Variants in PKD1L3 observed in about 807,000 individuals in gnomAD.
PKD1L3 encodes the protein polycystin-1-like protein 3.
A neutral mutation model predicts 184.1 loss-of-function variants in PKD1L3; 239 were observed. The observed-to-expected ratio is 1.30, with a 90% CI of 1.17 to 1.45. The LOEUF (loss-of-function observed/expected upper bound fraction) is 1.45, where lower values mean the gene tolerates loss of function less well. Ranked by LOEUF, PKD1L3 falls within the 40% of genes most tolerant of loss-of-function variation. The pLI, the probability that PKD1L3 is intolerant of heterozygous loss-of-function variation, is 0.00. For synonymous variants in PKD1L3, 996 were observed against 778.8 expected, an observed-to-expected ratio of 1.28 and a Z score of -4.64; for missense variants, 2,660 against 2,067.2, an observed-to-expected ratio of 1.29 and a Z score of -5.56.
chr16:71,934,234 A>G, intron 26 of PKD1L3, 109 bp from the exon 27 acceptor site: 1 of 1,004,906 alleles, frequency 1.0e-6, no homozygotes, highest in Non-Finnish European at 1.5e-6. Context: ...TGTGAGGTCA[A>G]ATGCTTGTTG....
chr16:71,998,685 A>G (rs769729366), intron 1 of PKD1L3, among the ~76,000 whole-genome samples: 3 of 152,084 alleles, frequency 2.0e-5, no homozygotes, highest in Non-Finnish European at 4.4e-5. Flanking sequence ...TCCTGATCTC[A>G]GGTGATCCAT....
intron 2 of PKD1L3, among the ~76,000 whole-genome samples, chr16:71,994,155 T>C (rs1325497126): frequency 2.0e-5 from 3 of 152,124 alleles, no homozygotes; most frequent in East Asian, 1.9e-4. Flanking sequence ...GAGAAAATCA[T>C]ATAACCATGA....
At chr16:71,970,473 G>C (rs1489548741) in intron 12 of PKD1L3, among the ~76,000 whole-genome samples, 1 of 152,176 alleles carries the variant, frequency 6.6e-6, no homozygotes, top group Non-Finnish European at 1.5e-5. Flanking sequence ...AAGTACATAA[G>C]TAAGCAGAGG....
At chr16:71,983,280 G>T (rs115500404) in intron 6 of PKD1L3, among the ~76,000 whole-genome samples, 2,203 of 152,072 alleles carry the variant, frequency 0.014, 57 homozygotes, top group African/African-American at 0.049. Flanking sequence ...CCAAGTAGCT[G>T]CAACTACAGG....
intron 24 of PKD1L3, among the ~76,000 whole-genome samples, chr16:71,937,994 T>A (rs561901447): frequency 1.3e-5 from 2 of 152,300 alleles, no homozygotes. Flanking sequence ...CGGGGCTTTG[T>A]GCGCTGTTGA....
chr16:71,995,985 G>A (rs1032762849), intron 2 of PKD1L3, among the ~76,000 whole-genome samples: 2 of 151,916 alleles, frequency 1.3e-5, no homozygotes, highest in African/African-American at 4.8e-5. Context: ...TTTGCATTAC[G>A]CTATTTTTTT....
At chr16:71,940,628 T>C (rs1423429540) in intron 24 of PKD1L3, among the ~76,000 whole-genome samples, 2 of 151,818 alleles carry the variant, frequency 1.3e-5, no homozygotes, top group East Asian at 3.9e-4. Context: ...GCCTCCTGAG[T>C]AGCTGGGATT....
intron 11 of PKD1L3, among the ~76,000 whole-genome samples, chr16:71,975,105 G>A (rs930521576): frequency 6.6e-6 from 1 of 152,068 alleles, no homozygotes; most frequent in South Asian, 2.1e-4. Context: ...ACCCAGGCTG[G>A]AGTGCAGTGG....
intron 8 of PKD1L3, 22 bp from the exon 9 acceptor site, chr16:71,979,934 G>A (rs1385910941): frequency 6.4e-7 from 1 of 1,550,646 alleles, no homozygotes. Flanking sequence ...AGTTAAAATG[G>A]AAGTCAATTT....
At chr16:71,958,955 C>T (rs1014854895) in intron 16 of PKD1L3, among the ~76,000 whole-genome samples, 1 of 150,020 alleles carries the variant, frequency 6.7e-6, no homozygotes, top group Non-Finnish European at 1.5e-5. Flanking sequence ...GGCATGGCAG[C>T]GTGTGCCTGT....
intron 12 of PKD1L3, among the ~76,000 whole-genome samples, chr16:71,972,846 A>C (rs1455225534): frequency 1.3e-5 from 2 of 152,200 alleles, no homozygotes; most frequent in African/African-American, 4.8e-5. Flanking sequence ...ACGAGTGTGC[A>C]AATATAATAG....
chr16:71,967,535 G>C (rs1264813282), intron 14 of PKD1L3, among the ~76,000 whole-genome samples: 1 of 152,086 alleles, frequency 6.6e-6, no homozygotes, highest in Non-Finnish European at 1.5e-5. Flanking sequence ...TGTGATCTTG[G>C]CTTAGTGCAA....
At chr16:71,980,951 G>A (rs1228745586) in intron 7 of PKD1L3, among the ~76,000 whole-genome samples, 2 of 152,146 alleles carry the variant, frequency 1.3e-5, no homozygotes. Context: ...TTGCCTCTTT[G>A]GGACATTTCA....
At chr16:71,992,036 G>C (rs1042654538) in intron 3 of PKD1L3, among the ~76,000 whole-genome samples, 4 of 152,000 alleles carry the variant, frequency 2.6e-5, no homozygotes, top group Non-Finnish European at 4.4e-5. Flanking sequence ...GCCCAGGTTG[G>C]ACTGGAACTC....
chr16:71,990,216 G>C, intron 4 of PKD1L3, 64 bp downstream of exon 4: 2 of 1,357,622 alleles, frequency 1.5e-6, no homozygotes, highest in East Asian at 2.5e-5. Context: ...GCTCTAACCA[G>C]ATCTACTAGG....
chr16:71,941,917 G>GA (rs2038375605), intron 24 of PKD1L3, among the ~76,000 whole-genome samples: 1 of 151,572 alleles, frequency 6.6e-6, no homozygotes, highest in Non-Finnish European at 1.5e-5. Flanking sequence ...AGAGGACAAA[G>GA]AAAAAAACCT....
chr16:71,934,666 T>G (rs993688989), intron 26 of PKD1L3, among the ~76,000 whole-genome samples: 1 of 152,206 alleles, frequency 6.6e-6, no homozygotes, highest in Non-Finnish European at 1.5e-5. Flanking sequence ...TTCATAATTT[T>G]AGGTTGCAGC....
chr16:71,998,120 C>A (rs1308617644), intron 2 of PKD1L3, among the ~76,000 whole-genome samples, 152 bp downstream of exon 2: 1 of 152,240 alleles, frequency 6.6e-6, no homozygotes, highest in Non-Finnish European at 1.5e-5. Context: ...ATAATTTTCT[C>A]ATGCTAATCA....
At position 71,933,527 on chromosome 16, in the gene PKD1L3, CAGA is replaced by C. The variant is rs2038065480; in HGVS notation, c.4825-9_4825-7del. 2 of 1,546,054 alleles carry C rather than the reference CAGA, an allele frequency of 1.3e-6. No individual in the cohort carries two copies. The highest frequency in any genetic ancestry group is 1.2e-5 in the South Asian group (1 of 83,938). ...CATCCAAACAGCAGGTTAAACTGAACAGAAGGAGAAAGGCCAGTTAGTGCAAGC... is the reference window on the plus strand; with the variant it reads ...CATCCAAACAGCAGGTTAAACTGAACAGGAGAAAGGCCAGTTAGTGCAAGC... On this transcript the variant is annotated splice_polypyrimidine_tract_variant and splice_region_variant and intron_variant, in intron 27 of 29. Transcript: ENST00000620267.
Sources: gnomAD v4.1 joint callset for allele counts (sites outside exome capture counted in the v4.1 genomes callset) on GRCh38, gnomAD v4.1.1 for gene constraint, MANE v1.5 for transcripts, NCBI Gene and HGNC (gene_info 2026-07-23, HGNC 2026-07-21) for gene names.